Variants in CGNL1 observed in about 807,000 individuals in gnomAD.
CGNL1 encodes the protein cingulin like 1.
Under a neutral mutation model 141.2 loss-of-function variants are expected in CGNL1, and 132 were observed. That is an observed-to-expected ratio of 0.93 (90% confidence interval 0.81 to 1.08). CGNL1 has a LOEUF of 1.08. Ranked by LOEUF, CGNL1 falls within the 50% of genes least tolerant of loss-of-function variation. The pLI is 0.00. For synonymous variants in CGNL1, 690 were observed against 622.1 expected (o/e 1.11, Z -1.63); for missense variants, 1,870 against 1,588.6 (o/e 1.18, Z -3.01).
chr15:57,413,497 G>C (rs545428481), intron 1 of CGNL1, among the ~76,000 whole-genome samples: 7 of 152,170 alleles, frequency 4.6e-5, no homozygotes, highest in Non-Finnish European at 8.8e-5. Flanking sequence ...GGTTGCCCAG[G>C]CTAGTCTGGA....
At chr15:57,544,132 C>T (rs1288938075) in intron 15 of CGNL1, among the ~76,000 whole-genome samples, 2 of 152,206 alleles carry the variant, frequency 1.3e-5, no homozygotes, top group African/African-American at 2.4e-5. Context: ...TTCTTCACTG[C>T]ACAGGACTGG....
chr15:57,412,276 C>T (rs1388371135), intron 1 of CGNL1, among the ~76,000 whole-genome samples: 1 of 152,230 alleles, frequency 6.6e-6, no homozygotes, highest in Non-Finnish European at 1.5e-5. Context: ...CTTCACTCAG[C>T]AGGGAGCCTT....
intron 8 of CGNL1, among the ~76,000 whole-genome samples, chr15:57,485,780 A>C (rs1161405692): frequency 6.6e-6 from 1 of 152,212 alleles, no homozygotes; most frequent in African/African-American, 2.4e-5. Context: ...CCTCTCTCAC[A>C]ATACATTTGG....
In CGNL1 at chr15:57,546,070, G is replaced by T; in HGVS notation, c.3610-6G>T. 1 of 1,611,390 alleles carries T rather than the reference G, an allele frequency of 6.2e-7. No homozygotes were observed. Among genetic ancestry groups the T allele is most frequent in the Non-Finnish European group, 8.5e-7 (1 of 1,178,852 alleles). ...GGCACTCAGCCCACATTCTCTCCCG[G>T]TGCAGCTGAGCTTGCGTTTGAAAGC... On this transcript the variant is annotated splice_polypyrimidine_tract_variant and splice_region_variant and intron_variant, in intron 17 of 18. Coordinates refer to ENST00000281282, the MANE Select transcript of CGNL1 (RefSeq NM_032866.5).
At chr15:57,429,849 AC>A (rs1247336253) in intron 1 of CGNL1, among the ~76,000 whole-genome samples, 1 of 152,074 alleles carries the variant, frequency 6.6e-6, no homozygotes, top group Non-Finnish European at 1.5e-5. Context: ...TCAGTCTATC[AC>A]CCAGGCTGGC....
At chr15:57,465,853 G>A (rs766822152) in intron 8 of CGNL1, among the ~76,000 whole-genome samples, 6 of 152,146 alleles carry the variant, frequency 3.9e-5, no homozygotes, top group Non-Finnish European at 4.4e-5. Flanking sequence ...AAGGTTTTAC[G>A]TTACTAGAAC....
At chr15:57,448,296 C>G (rs1026579569) in intron 4 of CGNL1, among the ~76,000 whole-genome samples, 1 of 151,462 alleles carries the variant, frequency 6.6e-6, no homozygotes, top group Admixed American at 6.6e-5. Context: ...ATATTGTGTA[C>G]TGCTGTTTTA....
At chr15:57,453,234 C>T (rs2063341512) in intron 6 of CGNL1, among the ~76,000 whole-genome samples, 1 of 152,018 alleles carries the variant, frequency 6.6e-6, no homozygotes, top group African/African-American at 2.4e-5. Flanking sequence ...TGACCATGTT[C>T]CAGTAAAACT....
intron 8 of CGNL1, among the ~76,000 whole-genome samples, chr15:57,499,238 CTTTTTTTTTTTT>C (rs201081475): frequency 1.2e-4 from 11 of 91,842 alleles, no homozygotes; most frequent in East Asian, 1.0e-3. Flanking sequence ...AAGTTAATGG[CTTTTTTTTTTTT>C]TTTTTTTTTT....
At chr15:57,441,582 T>C (rs777746731) in intron 3 of CGNL1, among the ~76,000 whole-genome samples, 1 of 152,122 alleles carries the variant, frequency 6.6e-6, no homozygotes, top group Admixed American at 6.5e-5. Flanking sequence ...TTGGCAAGGA[T>C]AATCTCAAAC....
intron 1 of CGNL1, among the ~76,000 whole-genome samples, chr15:57,422,739 G>T (rs1373070953): frequency 6.6e-6 from 1 of 152,168 alleles, no homozygotes; most frequent in Non-Finnish European, 1.5e-5. Context: ...CGAAGGTGAG[G>T]CACCTAGTGT....
At chr15:57,523,448 G>A (rs1197480570) in intron 10 of CGNL1, 41 bp from the exon 11 acceptor site, 2 of 1,609,476 alleles carry the variant, frequency 1.2e-6, no homozygotes, top group Non-Finnish European at 1.7e-6. Context: ...TGGCTACCTG[G>A]TTAGTAGGTG....
Position 57,457,373 on chromosome 15 carries a change from T to C in CGNL1, c.2190+3555T>C, listed in dbSNP as rs542436818. Among the ~76,000 whole-genome samples, 10 of 152,340 alleles carry C rather than the reference T, an allele frequency of 6.6e-5. No individual in the cohort carries two copies. The South Asian group carries it at 2.1e-3, about 32-fold the overall frequency. ...CTGCAGAACAGCTGGTCTCATAGTGTGTTCCTTTTTCTCTCAGATCTCCTT... is the reference window on the plus strand; with the variant it reads ...CTGCAGAACAGCTGGTCTCATAGTGCGTTCCTTTTTCTCTCAGATCTCCTT... On this transcript the variant is annotated intron_variant, in intron 7 of 18. Transcript: ENST00000281282.
intron 8 of CGNL1, among the ~76,000 whole-genome samples, chr15:57,504,901 G>C (rs1430704800): frequency 6.6e-6 from 1 of 152,184 alleles, no homozygotes; most frequent in Middle Eastern, 3.2e-3. Flanking sequence ...GGGCCTGTTT[G>C]GTCAGCACCC....
intron 8 of CGNL1, among the ~76,000 whole-genome samples, chr15:57,512,643 T>C (rs1419534977): frequency 6.6e-6 from 1 of 152,238 alleles, no homozygotes; most frequent in African/African-American, 2.4e-5. Context: ...TGCCAAGTTC[T>C]AAACATCACA....
chr15:57,447,527 C>T (rs1375298788), intron 4 of CGNL1, among the ~76,000 whole-genome samples: 1 of 152,110 alleles, frequency 6.6e-6, no homozygotes, highest in African/African-American at 2.4e-5. Flanking sequence ...GTGTCTTTTC[C>T]CTCTGGGTGC....
At chr15:57,533,344 C>T (rs1230578277) in intron 14 of CGNL1, among the ~76,000 whole-genome samples, 1 of 152,188 alleles carries the variant, frequency 6.6e-6, no homozygotes, top group African/African-American at 2.4e-5. Context: ...GACATCTCCT[C>T]TACTGCCCGC....
chr15:57,528,880 C>T, intron 13 of CGNL1, 65 bp downstream of exon 13: 1 of 1,533,716 alleles, frequency 6.5e-7, no homozygotes, highest in Non-Finnish European at 8.9e-7. Flanking sequence ...ACGAGAGAAG[C>T]AGCCTCTTTG....
At chr15:57,394,168 T>C (rs1312532680) in intron 1 of CGNL1, 20 of 148,242 alleles carry the variant, frequency 1.3e-4, no homozygotes, top group African/African-American at 5.0e-4. Flanking sequence ...TACAAGCTCA[T>C]GTTGCCCAGG....
Sources: gnomAD v4.1 joint callset for allele counts (sites outside exome capture counted in the v4.1 genomes callset) on GRCh38, gnomAD v4.1.1 for gene constraint, MANE v1.5 for transcripts, NCBI Gene and HGNC (gene_info 2026-07-23, HGNC 2026-07-21) for gene names.